The following AGBL3 variants were observed in gnomAD, a reference collection of about 807,000 sequenced individuals.
AGBL3 encodes cytosolic carboxypeptidase 3.
In AGBL3, 68 loss-of-function variants were observed where a neutral mutation model predicts 94.5. That is an observed-to-expected ratio of 0.72 (90% CI 0.59 to 0.88). AGBL3 has a LOEUF of 0.88. AGBL3 is among the 40% of genes least tolerant of loss of function. The pLI is 0.00. For synonymous variants in AGBL3, 354 were observed against 370.7 expected (o/e 0.95, Z 0.52); for missense variants, 934 against 1,103.8 (o/e 0.85, Z 2.18).
Position 135,034,912 on chromosome 7 carries a change from C to A in AGBL3, c.1321C>A (p.Arg441=). The part of the protein sequence containing the change: ...KESFPSVWYT[R]NMVHRLMEKR... ...ATCTTTTCCTTCTGTATGGTATACCCGGAACATGGTTCATAGGTAAAATAA... is the reference window on the plus strand; with the variant it reads ...ATCTTTTCCTTCTGTATGGTATACCAGGAACATGGTTCATAGGTAAAATAA... The change falls in exon 7 of 17, where the codon CGG becomes AGG. Residue 441 remains arginine, a synonymous_variant. Coordinates refer to ENST00000436302, the MANE Select transcript of AGBL3 (RefSeq NM_178563.4). 1 of 1,519,970 alleles carries A rather than the reference C, an allele frequency of 6.6e-7. No homozygotes were observed. The highest frequency in any genetic ancestry group is 2.5e-5 in the East Asian group (1 of 40,702). 94.2% of individuals were successfully genotyped at this position (1,519,970 alleles called of 1,614,324 possible).
At chr7:135,096,742 T>TGAAAGAAAGAAAGAAAGAAAGAAA (rs3038284) in intron 15 of AGBL3, among the ~76,000 whole-genome samples, 35 of 101,184 alleles carry the variant, frequency 3.5e-4, no homozygotes, top group South Asian at 1.2e-3. Flanking sequence ...AGAGAAAGAA[T>TGAAAGAAAGAAAGAAAGAAAGAAA]GAAAGAAAGA....
At chr7:135,031,011 G>GT (rs914188555) in intron 5 of AGBL3, among the ~76,000 whole-genome samples, 90 of 151,188 alleles carry the variant, frequency 6.0e-4, no homozygotes, top group African/African-American at 1.0e-3. Flanking sequence ...GTTCAGTTTT[G>GT]TTTTTTTTGT....
At chr7:135,055,052 C>A (rs1818216815) in intron 11 of AGBL3, among the ~76,000 whole-genome samples, 1 of 152,268 alleles carries the variant, frequency 6.6e-6, no homozygotes, top group South Asian at 2.1e-4. Flanking sequence ...GGCAAAAACC[C>A]AAGGGACATC....
intron 15 of AGBL3, among the ~76,000 whole-genome samples, chr7:135,096,733 G>GAGAA (rs1441379719): frequency 6.4e-4 from 33 of 51,238 alleles, no homozygotes; most frequent in East Asian, 4.8e-3. Flanking sequence ...AAGAAAGAAA[G>GAGAA]AGAAAGAATG....
At chr7:135,023,806 A>G (rs1335758346) in intron 5 of AGBL3, among the ~76,000 whole-genome samples, 3 of 152,312 alleles carry the variant, frequency 2.0e-5, no homozygotes, top group South Asian at 2.1e-4. Context: ...CTGCAGGAGC[A>G]TGTGCACAGC....
At chr7:134,998,628 A>G (rs966221394) in intron 4 of AGBL3, among the ~76,000 whole-genome samples, 1 of 152,220 alleles carries the variant, frequency 6.6e-6, no homozygotes, top group Admixed American at 6.5e-5. Context: ...AAGGATATAT[A>G]GGTACAGAAC....
intron 4 of AGBL3, among the ~76,000 whole-genome samples, chr7:134,994,296 T>C (rs1159057934): frequency 6.6e-6 from 1 of 152,216 alleles, no homozygotes; most frequent in Non-Finnish European, 1.5e-5. Context: ...TCTTTCATTT[T>C]CTCTTTCTGC....
intron 16 of AGBL3, among the ~76,000 whole-genome samples, chr7:135,124,426 G>C (rs1338719881): frequency 6.6e-6 from 1 of 152,320 alleles, no homozygotes; most frequent in East Asian, 1.9e-4. Context: ...AAAAGAGACA[G>C]ACTCCCACAC....
chr7:135,037,555 T>A lies in AGBL3; in HGVS notation c.1475T>A (p.Met492Lys). 6.5e-7 allele frequency: 1 copy of A among 1,540,210 alleles called. No individual in the cohort carries two copies. Among genetic ancestry groups the A allele is most frequent in the Non-Finnish European group, 8.8e-7 (1 of 1,142,516 alleles). ...LYLQQRIFPL[M>K]LSKNCPDKFS... ...TTACAGCAACGAATCTTCCCACTTA[T>A]GCTAAGCAAAAATTGTCCAGATAAA... Residue 492 changes from methionine (M) to lysine (K), a missense_variant, in exon 8 of 17, where the codon ATG (methionine) becomes AAG (lysine). Transcript: ENST00000436302.
At chr7:135,106,841 C>T (rs959517457) in intron 15 of AGBL3, among the ~76,000 whole-genome samples, 5 of 152,024 alleles carry the variant, frequency 3.3e-5, no homozygotes, top group African/African-American at 4.8e-5. Context: ...TCTGTTTTGT[C>T]CTGGGATTTT....
chr7:135,135,359 A>C lies in AGBL3; in HGVS notation c.*98A>C. On this transcript the variant is annotated 3_prime_UTR_variant, in exon 17 of 17. Coordinates refer to ENST00000436302, the MANE Select transcript of AGBL3 (RefSeq NM_178563.4). ...AAAGCCCTCCCCTTCCCCTTTCCCTATCTCTCCCCTTACACATGCATATGC... is the reference window on the plus strand; with the variant it reads ...AAAGCCCTCCCCTTCCCCTTTCCCTCTCTCTCCCCTTACACATGCATATGC... 2 of 1,138,184 alleles carry C rather than the reference A, an allele frequency of 1.8e-6. No individual in the cohort carries two copies. Among genetic ancestry groups the C allele is most frequent in the Non-Finnish European group, 1.2e-6 (1 of 847,686 alleles). The allele number at this position is 1,138,184 out of a possible 1,614,324, so 70.5% of individuals were successfully genotyped here.
At chr7:135,116,711 T>G (rs1190592563) in intron 16 of AGBL3, among the ~76,000 whole-genome samples, 2 of 152,214 alleles carry the variant, frequency 1.3e-5, no homozygotes, top group African/African-American at 4.8e-5. Flanking sequence ...TTATACCTCA[T>G]AAGAGTGGAA....
chr7:135,055,704 C>T (rs939836105), intron 11 of AGBL3, among the ~76,000 whole-genome samples: 7 of 152,124 alleles, frequency 4.6e-5, no homozygotes, highest in African/African-American at 1.4e-4. Flanking sequence ...GTTCATAAGA[C>T]ATATTGGTGT....
chr7:135,099,152 C>A (rs1397988334), intron 15 of AGBL3, among the ~76,000 whole-genome samples: 5 of 149,018 alleles, frequency 3.4e-5, no homozygotes, highest in African/African-American at 1.2e-4. Context: ...ATATGTTAGA[C>A]TATTTTTTGG....
At chr7:135,063,934 C>T (rs1208587074) in intron 12 of AGBL3, among the ~76,000 whole-genome samples, 2 of 152,128 alleles carry the variant, frequency 1.3e-5, no homozygotes, top group Non-Finnish European at 2.9e-5. Context: ...AAACTTAGCT[C>T]CTAATTGTGG....
intron 5 of AGBL3, among the ~76,000 whole-genome samples, chr7:135,027,198 C>T (rs1286999656): frequency 6.6e-6 from 1 of 151,342 alleles, no homozygotes; most frequent in African/African-American, 2.4e-5. Context: ...AGGGTGCGCA[C>T]CACCATGTTC....
At chr7:135,128,604 T>C (rs1828286777) in intron 16 of AGBL3, 3 of 778,648 alleles carry the variant, frequency 3.9e-6, no homozygotes, top group East Asian at 4.9e-5. Context: ...ATCTGCTCTA[T>C]GGGAAGAACA....
At chr7:134,992,645 ATTAG>A (rs1810437194) in intron 3 of AGBL3, among the ~76,000 whole-genome samples, 2 of 152,216 alleles carry the variant, frequency 1.3e-5, no homozygotes, top group African/African-American at 4.8e-5. Flanking sequence ...AGGTGATATT[ATTAG>A]TTATTGACCT....
chr7:135,049,580 T>C (rs1022173572), intron 11 of AGBL3, among the ~76,000 whole-genome samples: 3 of 151,998 alleles, frequency 2.0e-5, no homozygotes, highest in Admixed American at 6.6e-5. Context: ...CGATTACTGA[T>C]TAAATCTCCA....
Sources: gnomAD v4.1 joint callset for allele counts (sites outside exome capture counted in the v4.1 genomes callset) on GRCh38, gnomAD v4.1.1 for gene constraint, MANE v1.5 for transcripts, NCBI Gene and HGNC (gene_info 2026-07-23, HGNC 2026-07-21) for gene names.